Variants in ARID4A observed in about 807,000 individuals in gnomAD.
ARID4A encodes the protein AT-rich interactive domain-containing protein 4A.
In ARID4A, 39 loss-of-function variants were observed where a neutral mutation model predicts 148.6. The observed-to-expected ratio is 0.26, with a 90% CI of 0.20 to 0.34. The LOEUF is 0.34. Among genes scored for constraint, ARID4A ranks in the 10% least tolerant of loss-of-function variants. The pLI is 1.00. For missense variants in ARID4A, 1,265 were observed against 1,449.1 expected (o/e 0.87, Z 2.06); for synonymous variants, 475 against 481.2 (o/e 0.99, Z 0.17).
At position 58,358,460 on chromosome 14, in the gene ARID4A, T is replaced by C. The variant is rs544208668; in HGVS notation, c.1854-672T>C. ...TCAGCCTGGGTGACAACATTGAAACTAGCCCCCCAAAAATAAAAATAAAAT... is the reference window on the plus strand; with the variant it reads ...TCAGCCTGGGTGACAACATTGAAACCAGCCCCCCAAAAATAAAAATAAAAT... On this transcript the variant is annotated intron_variant, in intron 17 of 23. Transcript: ENST00000355431. Among the ~76,000 whole-genome samples, 8 of 152,110 alleles carry C rather than the reference T, an allele frequency of 5.3e-5. No individual in the cohort carries two copies. In the South Asian group the frequency reaches 1.2e-3, roughly 24 times the overall value.
chr14:58,334,955 G>A (rs1234749576), intron 11 of ARID4A, among the ~76,000 whole-genome samples: 3 of 151,856 alleles, frequency 2.0e-5, no homozygotes, highest in African/African-American at 4.8e-5. Flanking sequence ...CTTCTTCATC[G>A]TCATGGCCAG....
intron 3 of ARID4A, among the ~76,000 whole-genome samples, chr14:58,304,718 A>G (rs1050753926): frequency 1.3e-5 from 2 of 152,176 alleles, no homozygotes; most frequent in African/African-American, 4.8e-5. Flanking sequence ...TTAAGTGCTG[A>G]TAATATGCAT....
At chr14:58,317,407 C>T (rs1340714240) in intron 5 of ARID4A, among the ~76,000 whole-genome samples, 2 of 148,674 alleles carry the variant, frequency 1.3e-5, no homozygotes, top group East Asian at 4.1e-4. Flanking sequence ...GCCTCAGCCT[C>T]CCGAGTAGCT....
chr14:58,367,078 A>G (rs771714900), intron 23 of ARID4A, 49 bp downstream of exon 23: 9 of 1,313,876 alleles, frequency 6.8e-6, no homozygotes, highest in East Asian at 2.8e-5. Flanking sequence ...ACTATATCCT[A>G]TCATTTTAGA....
chr14:58,319,404 T>C (rs2032697339), intron 7 of ARID4A, among the ~76,000 whole-genome samples: 1 of 151,962 alleles, frequency 6.6e-6, no homozygotes, highest in African/African-American at 2.4e-5. Context: ...TTAATTGATA[T>C]GATGATTTTT....
chr14:58,315,501 A>G (rs1245470710), intron 5 of ARID4A, among the ~76,000 whole-genome samples: 3 of 151,964 alleles, frequency 2.0e-5, no homozygotes, highest in East Asian at 1.9e-4. Flanking sequence ...TTACATTCAC[A>G]TTTTCCTTTT....
chr14:58,367,695 T>C (rs148899119), intron 23 of ARID4A, among the ~76,000 whole-genome samples: 6 of 152,304 alleles, frequency 3.9e-5, no homozygotes, highest in Middle Eastern at 3.4e-3. Context: ...TGACTTCCAG[T>C]TAAACATGAA....
intron 5 of ARID4A, among the ~76,000 whole-genome samples, chr14:58,311,691 T>C (rs2032044374): frequency 6.6e-6 from 1 of 152,134 alleles, no homozygotes; most frequent in Non-Finnish European, 1.5e-5. Flanking sequence ...AATTTAAGTC[T>C]CTATGAGCAG....
At position 58,302,040 on chromosome 14, in the gene ARID4A, G is replaced by C. The variant is rs183566748; in HGVS notation, c.117+350G>C. ...AATACAACAGGAATTATGTTTTCAA[G>C]ACAGTGTAAAAAAGCATTTAAAAAG... is the stretch of plus-strand genomic sequence containing the variant. On this transcript the variant is annotated intron_variant, in intron 3 of 23. Transcript: ENST00000355431. 1.8e-4 allele frequency among the ~76,000 whole-genome samples: 28 copies of C among 152,290 alleles called. No individual in the cohort carries two copies. In the East Asian group the frequency reaches 5.0e-3, roughly 27 times the overall value.
chr14:58,325,790 C>T (rs2033172748), intron 8 of ARID4A, among the ~76,000 whole-genome samples: 1 of 151,580 alleles, frequency 6.6e-6, no homozygotes, highest in Admixed American at 6.6e-5. Flanking sequence ...GTCCCTTGAA[C>T]CTTTCAGTTG....
intron 9 of ARID4A, among the ~76,000 whole-genome samples, chr14:58,329,034 C>T (rs1338035849): frequency 6.6e-6 from 1 of 151,710 alleles, no homozygotes; most frequent in Non-Finnish European, 1.5e-5. Context: ...TTTTCCTAAC[C>T]TCATCTCTGC....
Position 58,318,804 on chromosome 14 carries a change from G to A in ARID4A, c.448G>A (p.Val150Ile). Reference protein sequence around the residue: ...TNRGRRSSLPVTEDEKEEESS... With the variant: ...TNRGRRSSLPITEDEKEEESS... ...CAGAGGAAGGAGATCTTCTCTTCCTGTGTGAGTTTTTTCATATATGGTATC... is the reference window on the plus strand; with the variant it reads ...CAGAGGAAGGAGATCTTCTCTTCCTATGTGAGTTTTTTCATATATGGTATC... The change falls in exon 7 of 24, where the codon GTT becomes ATT. Residue 150 changes from valine to isoleucine, a missense_variant and splice_region_variant. Val to Ile is a conservative substitution (Grantham distance 29, BLOSUM62 3). Transcript: ENST00000355431. 1 of 1,609,104 alleles carries A rather than the reference G, an allele frequency of 6.2e-7. No individual in the cohort carries two copies. Among genetic ancestry groups the A allele is most frequent in the East Asian group, 2.2e-5 (1 of 44,846 alleles).
chr14:58,357,614 GTT>G (rs11424644), intron 17 of ARID4A, among the ~76,000 whole-genome samples: 21 of 134,158 alleles, frequency 1.6e-4, no homozygotes, highest in South Asian at 7.1e-4. Context: ...TTTTTGCATG[GTT>G]TTTTTTTTTT....
At chr14:58,346,917 G>A (rs1227856229) in intron 13 of ARID4A, 103 bp from the exon 14 acceptor site, 3 of 390,190 alleles carry the variant, frequency 7.7e-6, no homozygotes, top group Non-Finnish European at 1.1e-5. Context: ...GACAGAGTGA[G>A]ACCCTGTCTC....
intron 23 of ARID4A, among the ~76,000 whole-genome samples, chr14:58,367,314 T>C (rs2035400025): frequency 6.6e-6 from 1 of 152,214 alleles, no homozygotes. Context: ...TGCTCAAACA[T>C]TTATTGGCAT....
At chr14:58,337,985 A>G (rs947160650) in intron 11 of ARID4A, among the ~76,000 whole-genome samples, 2 of 152,092 alleles carry the variant, frequency 1.3e-5, no homozygotes, top group African/African-American at 2.4e-5. Context: ...CTTCCATGAT[A>G]TGGGACTTCT....
intron 5 of ARID4A, among the ~76,000 whole-genome samples, chr14:58,307,595 G>A (rs1190694602): frequency 1.3e-5 from 2 of 152,152 alleles, no homozygotes; most frequent in African/African-American, 4.8e-5. Flanking sequence ...CGAGGTGGGC[G>A]GATCACCTGA....
chr14:58,370,568 A>G (rs887350935), intron 23 of ARID4A, among the ~76,000 whole-genome samples: 8 of 152,160 alleles, frequency 5.3e-5, no homozygotes, highest in African/African-American at 1.9e-4. Context: ...AAGTGCTGGA[A>G]TTACAGGCAT....
chr14:58,333,001 A>T (rs558264005), intron 11 of ARID4A, among the ~76,000 whole-genome samples: 1 of 152,094 alleles, frequency 6.6e-6, no homozygotes, highest in South Asian at 2.1e-4. Flanking sequence ...ACTAGCCTTA[A>T]TAAGGAGATT....
Sources: gnomAD v4.1 joint callset for allele counts (sites outside exome capture counted in the v4.1 genomes callset) on GRCh38, gnomAD v4.1.1 for gene constraint, MANE v1.5 for transcripts, NCBI Gene and HGNC (gene_info 2026-07-23, HGNC 2026-07-21) for gene names.